The following DLG1 variants were observed in gnomAD, a reference collection of about 807,000 sequenced individuals.
DLG1 encodes the protein discs large MAGUK scaffold protein 1, also known as disks large homolog 1.
DLG1 carries 42 observed loss-of-function variants against 123.4 expected under a neutral mutation model. The ratio of observed to expected loss-of-function variants is 0.34; its 90% CI spans 0.27 to 0.44. DLG1 has a LOEUF of 0.44. DLG1 is among the 20% of genes least tolerant of loss of function. The pLI is 1.00. For missense variants in DLG1, 942 were observed against 1,082.6 expected (o/e 0.87, Z 1.82); for synonymous variants, 317 against 356.2 (o/e 0.89, Z 1.24).
rs182948452 is a variant in DLG1, at chr3:197,134,379, G to A, written c.1020+2163C>T. 6.0e-3 allele frequency among the ~76,000 whole-genome samples: 870 copies of A among 144,496 alleles called. 12 individuals are homozygous for A. The highest frequency in any genetic ancestry group is 3.7e-3 in the Non-Finnish European group (249 of 67,106). 94.8% of individuals were successfully genotyped at this position (144,496 alleles called of 152,430 possible). On this transcript the variant is annotated intron_variant, in intron 10 of 24. Coordinates refer to ENST00000667157, the MANE Select transcript of DLG1 (RefSeq NM_001366207.1). ...TTTTTAAAAAGAATGCTACTAGTAG[G>A]ATAATCAATAATCCCATGACAGTCA...
At chr3:197,149,288 T>C (rs1046575521) in intron 6 of DLG1, among the ~76,000 whole-genome samples, 1 of 152,198 alleles carries the variant, frequency 6.6e-6, no homozygotes, top group African/African-American at 2.4e-5. Context: ...GGAACTTTCA[T>C]ATAATAAAAT....
At chr3:197,089,279 G>A (rs1418933860) in intron 15 of DLG1, among the ~76,000 whole-genome samples, 1 of 152,162 alleles carries the variant, frequency 6.6e-6, no homozygotes, top group East Asian at 1.9e-4. Context: ...TGTAATGCCA[G>A]CACTTGGGAG....
At chr3:197,130,726 G>A (rs1782048158) in intron 10 of DLG1, 55 bp from the exon 11 acceptor site, 2 of 1,379,426 alleles carry the variant, frequency 1.4e-6, no homozygotes, top group East Asian at 2.5e-5. Context: ...TCTGAGTTTT[G>A]GAAACAATTT....
chr3:197,130,139 A>G (rs1781762548), intron 11 of DLG1, among the ~76,000 whole-genome samples: 1 of 152,180 alleles, frequency 6.6e-6, no homozygotes, highest in African/African-American at 2.4e-5. Flanking sequence ...GCAAAGCCCA[A>G]TAAAATGAGG....
intron 5 of DLG1, among the ~76,000 whole-genome samples, chr3:197,177,589 T>C (rs1390337949): frequency 6.6e-6 from 1 of 152,144 alleles, no homozygotes; most frequent in Non-Finnish European, 1.5e-5. Context: ...TTGGTGTGAA[T>C]TTCAGACCTG....
At chr3:197,175,690 G>A (rs1399038866) in intron 5 of DLG1, among the ~76,000 whole-genome samples, 1 of 152,086 alleles carries the variant, frequency 6.6e-6, no homozygotes, top group Non-Finnish European at 1.5e-5. Flanking sequence ...CGAGGCTCTG[G>A]GGATACCAAG....
intron 4 of DLG1, among the ~76,000 whole-genome samples, chr3:197,263,783 T>A (rs536207196): frequency 6.6e-6 from 1 of 152,148 alleles, no homozygotes; most frequent in Admixed American, 6.5e-5. Context: ...TGGGACTCCA[T>A]CTCAAAAGAA....
At chr3:197,177,662 T>C (rs1807848327) in intron 5 of DLG1, among the ~76,000 whole-genome samples, 1 of 152,134 alleles carries the variant, frequency 6.6e-6, no homozygotes, top group Non-Finnish European at 1.5e-5. Flanking sequence ...ATGCCTCTAT[T>C]TACTTGGGAA....
At chr3:197,100,176 G>A (rs1184083394) in intron 14 of DLG1, among the ~76,000 whole-genome samples, 4 of 152,190 alleles carry the variant, frequency 2.6e-5, no homozygotes, top group Admixed American at 6.5e-5. Context: ...AATGACAAAT[G>A]TCTGCAAATA....
intron 4 of DLG1, among the ~76,000 whole-genome samples, chr3:197,273,066 GTAAT>G (rs1216417039): frequency 1.4e-4 from 21 of 152,034 alleles, no homozygotes; most frequent in Admixed American, 7.2e-4. Flanking sequence ...TCACAATGCA[GTAAT>G]TAATCAACCT....
At chr3:197,072,714 C>G (rs1560475119) in intron 18 of DLG1, among the ~76,000 whole-genome samples, 1 of 149,634 alleles carries the variant, frequency 6.7e-6, no homozygotes, top group Non-Finnish European at 1.5e-5. Context: ...AAAAAAAAAA[C>G]CTGAGTCTTG....
At chr3:197,208,055 A>G (rs1729498682) in intron 4 of DLG1, among the ~76,000 whole-genome samples, 1 of 145,966 alleles carries the variant, frequency 6.9e-6, no homozygotes, top group Admixed American at 6.9e-5. Flanking sequence ...AGAAAAAGAT[A>G]CAAAACCCTC....
chr3:197,207,589 G>T (rs1729236355), intron 4 of DLG1, among the ~76,000 whole-genome samples: 1 of 152,118 alleles, frequency 6.6e-6, no homozygotes, highest in Non-Finnish European at 1.5e-5. Context: ...TAGATAAGGA[G>T]TAAGTGTGCA....
chr3:197,174,709 T>C (rs1486641348), intron 5 of DLG1, among the ~76,000 whole-genome samples: 2 of 152,220 alleles, frequency 1.3e-5, no homozygotes, highest in Non-Finnish European at 2.9e-5. Context: ...CTACCAAGAT[T>C]AGTCAGATTT....
chr3:197,158,634 C>CAAAAAAAAAAAAAA lies in DLG1; in HGVS notation c.484-8852_484-8839dup, dbSNP rs71623339. Among the ~76,000 whole-genome samples the CAAAAAAAAAAAAAA allele has an allele frequency of 4.6e-4, 31 of 67,484 alleles. 2 individuals are homozygous for CAAAAAAAAAAAAAA. The highest frequency in any genetic ancestry group is 6.5e-4 in the East Asian group (1 of 1,542). The allele number at this position is 67,484 out of a possible 152,430, so 44.3% of individuals were successfully genotyped here. ...GGGTAACAAGAGCAAAACTCCATTT[C>CAAAAAAAAAAAAAA]AAAAAAAAAAAAAAAAAAAAAAAGC... On this transcript the variant is annotated intron_variant, in intron 5 of 24. Coordinates refer to ENST00000667157, the MANE Select transcript of DLG1 (RefSeq NM_001366207.1).
At chr3:197,065,677 A>G in intron 21 of DLG1, 31 bp downstream of exon 21, 1 of 1,440,932 alleles carries the variant, frequency 6.9e-7, no homozygotes, top group African/African-American at 1.4e-5. Context: ...GTTAAGAGTA[A>G]CAATTAAATG....
At chr3:197,239,491 T>C (rs1747743247) in intron 4 of DLG1, among the ~76,000 whole-genome samples, 1 of 152,110 alleles carries the variant, frequency 6.6e-6, no homozygotes, top group African/African-American at 2.4e-5. Flanking sequence ...AAGCCAGCGC[T>C]ACCAAATACC....
intron 5 of DLG1, among the ~76,000 whole-genome samples, chr3:197,182,429 A>T (rs1247865643): frequency 6.6e-6 from 1 of 152,174 alleles, no homozygotes; most frequent in Non-Finnish European, 1.5e-5. Flanking sequence ...AAGTAAGTAG[A>T]ATTTCTTACT....
intron 5 of DLG1, among the ~76,000 whole-genome samples, chr3:197,193,973 T>A (rs1329257187): frequency 1.3e-5 from 2 of 152,012 alleles, no homozygotes; most frequent in African/African-American, 4.8e-5. Flanking sequence ...GCATGTGTCA[T>A]CATGCCTGGT....
Sources: gnomAD v4.1 joint callset for allele counts (sites outside exome capture counted in the v4.1 genomes callset) on GRCh38, gnomAD v4.1.1 for gene constraint, MANE v1.5 for transcripts, NCBI Gene and HGNC (gene_info 2026-07-23, HGNC 2026-07-21) for gene names.